Variants in HS2ST1 observed in about 807,000 individuals in gnomAD.
The protein encoded by HS2ST1 is heparan sulfate 2-O-sulfotransferase 1, also known as 2-O-sulfotransferase.
Under a neutral mutation model 42.9 loss-of-function variants are expected in HS2ST1, and 18 were observed. The observed-to-expected ratio is 0.42, with a 90% CI of 0.29 to 0.62. The LOEUF (loss-of-function observed/expected upper bound fraction) is 0.62, where lower values mean the gene tolerates loss of function less well. HS2ST1 is among the 20% of genes least tolerant of loss of function. The pLI is 0.21. For missense variants in HS2ST1, 334 were observed against 433.8 expected (o/e 0.77, Z 2.04); for synonymous variants, 146 against 152.9 (o/e 0.95, Z 0.33).
At chr1:86,931,141 T>G (rs1459609300) in intron 1 of HS2ST1, among the ~76,000 whole-genome samples, 3 of 152,114 alleles carry the variant, frequency 2.0e-5, no homozygotes, top group African/African-American at 7.2e-5. Flanking sequence ...TTTGACTATG[T>G]ACATGACGTT....
intron 5 of HS2ST1, among the ~76,000 whole-genome samples, chr1:87,099,908 T>C (rs912470553): frequency 1.4e-4 from 21 of 152,332 alleles, no homozygotes; most frequent in African/African-American, 4.8e-4. Flanking sequence ...TCATTAAATC[T>C]TAAAGCTCCA....
intron 1 of HS2ST1, among the ~76,000 whole-genome samples, chr1:87,013,698 T>C (rs1050172469): frequency 6.6e-6 from 1 of 152,234 alleles, no homozygotes; most frequent in South Asian, 2.1e-4. Context: ...TTCTGAACTT[T>C]TATGCTCTGC....
intron 1 of HS2ST1, among the ~76,000 whole-genome samples, chr1:87,030,587 T>C (rs1650209280): frequency 6.6e-6 from 1 of 152,190 alleles, no homozygotes; most frequent in Non-Finnish European, 1.5e-5. Context: ...TAATTCAGTA[T>C]TTTGAAGAAA....
At chr1:86,996,214 G>A (rs572565170) in intron 1 of HS2ST1, among the ~76,000 whole-genome samples, 2 of 152,004 alleles carry the variant, frequency 1.3e-5, no homozygotes, top group South Asian at 2.1e-4. Flanking sequence ...AGGCCGAGGC[G>A]GGCGGATCAC....
At chr1:86,998,309 T>A (rs1404643539) in intron 1 of HS2ST1, among the ~76,000 whole-genome samples, 1 of 152,244 alleles carries the variant, frequency 6.6e-6, no homozygotes, top group Admixed American at 6.5e-5. Flanking sequence ...CATACAGCAT[T>A]CAGGAGCTTG....
intron 1 of HS2ST1, among the ~76,000 whole-genome samples, chr1:87,036,545 A>G (rs189653050): frequency 3.8e-4 from 58 of 152,328 alleles, no homozygotes; most frequent in African/African-American, 4.1e-4. Flanking sequence ...CAAAGACTCA[A>G]AGATGAGAAA....
intron 3 of HS2ST1, among the ~76,000 whole-genome samples, chr1:87,085,987 T>A (rs1252843141): frequency 6.6e-6 from 1 of 152,180 alleles, no homozygotes; most frequent in Non-Finnish European, 1.5e-5. Context: ...ATTGTGAAAA[T>A]TTTTCATAGA....
intron 1 of HS2ST1, among the ~76,000 whole-genome samples, chr1:86,982,029 C>G (rs1403567036): frequency 6.6e-6 from 1 of 152,234 alleles, no homozygotes; most frequent in Non-Finnish European, 1.5e-5. Flanking sequence ...AACATCAGTT[C>G]TTGTCTTCTG....
At chr1:86,937,409 T>C (rs966387824) in intron 1 of HS2ST1, among the ~76,000 whole-genome samples, 1 of 152,200 alleles carries the variant, frequency 6.6e-6, no homozygotes, top group Non-Finnish European at 1.5e-5. Flanking sequence ...TATAGTTAGC[T>C]TTTTGAAGAA....
intron 1 of HS2ST1, among the ~76,000 whole-genome samples, chr1:86,918,717 C>T (rs1309017738): frequency 6.6e-6 from 1 of 151,916 alleles, no homozygotes; most frequent in Non-Finnish European, 1.5e-5. Context: ...TAGTAATCTA[C>T]ACTGCCAGCA....
At chr1:86,985,325 A>G (rs1648725951) in intron 1 of HS2ST1, among the ~76,000 whole-genome samples, 1 of 142,842 alleles carries the variant, frequency 7.0e-6, no homozygotes, top group Non-Finnish European at 1.5e-5. Context: ...ACTGCACTCC[A>G]GCCTGGGAGA....
chr1:87,003,126 G>T (rs1270424204), intron 1 of HS2ST1, among the ~76,000 whole-genome samples: 5 of 152,210 alleles, frequency 3.3e-5, no homozygotes, highest in African/African-American at 1.2e-4. Flanking sequence ...GGTGAAGAAG[G>T]ATCTTTGAAC....
At chr1:87,004,578 T>G (rs1649383846) in intron 1 of HS2ST1, among the ~76,000 whole-genome samples, 1 of 152,196 alleles carries the variant, frequency 6.6e-6, no homozygotes, top group Non-Finnish European at 1.5e-5. Flanking sequence ...AAATATTTAC[T>G]CTGTATTAGA....
chr1:86,926,865 A>G (rs956193230), intron 1 of HS2ST1, among the ~76,000 whole-genome samples: 6 of 152,214 alleles, frequency 3.9e-5, no homozygotes, highest in African/African-American at 1.4e-4. Context: ...CTTATCCATG[A>G]TAGTCCCACC....
In HS2ST1 at chr1:87,035,153, G is replaced by A. The variant is rs1570500934; in HGVS notation, c.125-37781G>A. On this transcript the variant is annotated intron_variant, in intron 1 of 6. Transcript: ENST00000370550. Reference sequence around the variant, plus strand: ...AATGTATTTTCTTCTAGATCCTCCAGAAGGAACATAACCTAGCTGACACCT... The same window carrying A: ...AATGTATTTTCTTCTAGATCCTCCAAAAGGAACATAACCTAGCTGACACCT... Among the ~76,000 whole-genome samples, 11 of 152,294 alleles carry A rather than the reference G, an allele frequency of 7.2e-5. No individual in the cohort carries two copies. In the South Asian group the frequency reaches 2.3e-3, roughly 32 times the overall value.
chr1:86,920,608 C>T (rs1660272156), intron 1 of HS2ST1, among the ~76,000 whole-genome samples: 1 of 152,064 alleles, frequency 6.6e-6, no homozygotes, highest in African/African-American at 2.4e-5. Context: ...CTCTGGTAGG[C>T]CTTCTAATAG....
chr1:87,081,453 AAATT>A (rs1651686553), intron 2 of HS2ST1, among the ~76,000 whole-genome samples: 1 of 152,244 alleles, frequency 6.6e-6, no homozygotes. Flanking sequence ...GTGGGTCAAT[AAATT>A]AAGAAGGAAA....
At position 86,915,279 on chromosome 1, in the gene HS2ST1, A is replaced by G. The variant is rs911113420; in HGVS notation, c.124+119A>G. ...TGGCTCGGGGGCTGAAAGCGGTTTC[A>G]AAGAGAACCGGGAACAAGGGGCAGC... is the stretch of plus-strand genomic sequence containing the variant. On this transcript the variant is annotated intron_variant, in intron 1 of 6. Transcript: ENST00000370550. The G allele has an allele frequency of 8.6e-6, 10 of 1,168,674 alleles. No individual in the cohort carries two copies. In the African/African-American group the frequency reaches 1.4e-4, roughly 16 times the overall value. 72.4% of individuals were successfully genotyped at this position (1,168,674 alleles called of 1,614,324 possible).
At chr1:87,102,301 G>A (rs563191654) in intron 5 of HS2ST1, among the ~76,000 whole-genome samples, 34 of 152,112 alleles carry the variant, frequency 2.2e-4, no homozygotes, top group South Asian at 1.7e-3. Flanking sequence ...GAGGTGACCC[G>A]CCCACCTTGG....
Sources: allele counts gnomAD v4.1 joint callset (sites outside exome capture counted in the v4.1 genomes callset), GRCh38; gene constraint gnomAD v4.1.1; transcripts MANE v1.5; gene names NCBI Gene and HGNC (gene_info 2026-07-23, HGNC 2026-07-21).